RPS6KC1: variants seen among roughly 807,000 people sequenced by gnomAD.
The protein encoded by RPS6KC1 is inactive ribosomal protein S6 kinase delta-1.
A neutral mutation model predicts 103.8 loss-of-function variants in RPS6KC1; 54 were observed. The ratio of observed to expected loss-of-function variants is 0.52; its 90% confidence interval spans 0.42 to 0.65. The LOEUF (loss-of-function observed/expected upper bound fraction) is 0.65. Ranked by LOEUF, RPS6KC1 falls within the 30% of genes least tolerant of loss-of-function variation. The pLI is 0.00. For synonymous variants in RPS6KC1, 439 were observed against 438.7 expected (o/e 1.00, Z -0.01); for missense variants, 1,151 against 1,253.8 (o/e 0.92, Z 1.24).
At chr1:213,069,394 A>G (rs2078661527) in intron 1 of RPS6KC1, among the ~76,000 whole-genome samples, 1 of 152,222 alleles carries the variant, frequency 6.6e-6, no homozygotes, top group South Asian at 2.1e-4. Context: ...CTTTTAAATT[A>G]TAGAGTTCTT....
At chr1:213,250,105 A>C (rs2094520281) in intron 12 of RPS6KC1, among the ~76,000 whole-genome samples, 1 of 152,190 alleles carries the variant, frequency 6.6e-6, no homozygotes, top group Admixed American at 6.5e-5. Context: ...CAGGTAATTG[A>C]ATTACCTAAA....
At chr1:213,253,558 G>A (rs929789372) in intron 12 of RPS6KC1, among the ~76,000 whole-genome samples, 4 of 152,160 alleles carry the variant, frequency 2.6e-5, no homozygotes, top group African/African-American at 7.2e-5. Flanking sequence ...CTCAATTTTC[G>A]ATTCAATTTC....
chr1:213,370,708 T>C, the RPS6KC1 span, among the ~76,000 whole-genome samples: 108 of 152,332 alleles, frequency 7.1e-4, no homozygotes, highest in Non-Finnish European at 1.2e-3. Flanking sequence ...AATGACTGAC[T>C]TGCTCAAGGT....
intron 8 of RPS6KC1, among the ~76,000 whole-genome samples, chr1:213,178,229 A>ATAAG (rs2092019726): frequency 7.5e-6 from 1 of 132,756 alleles, no homozygotes; most frequent in South Asian, 2.4e-4. Context: ...AAATAAATAA[A>ATAAG]TATCAAGTCT....
chr1:213,808,280 G>A, the RPS6KC1 span, among the ~76,000 whole-genome samples: 1 of 152,210 alleles, frequency 6.6e-6, no homozygotes, highest in Admixed American at 6.5e-5. Flanking sequence ...CTCCAGCTAC[G>A]TGCTGGGAGA....
intron 10 of RPS6KC1, among the ~76,000 whole-genome samples, chr1:213,237,549 T>G (rs562468846): frequency 1.8e-4 from 27 of 152,216 alleles, no homozygotes; most frequent in African/African-American, 6.5e-4. Context: ...TTGAGAATTA[T>G]ATGTAGGACA....
intron 1 of RPS6KC1, among the ~76,000 whole-genome samples, chr1:213,069,519 G>A (rs2078676408): frequency 6.6e-6 from 1 of 152,184 alleles, no homozygotes; most frequent in Admixed American, 6.5e-5. Context: ...AGGTTTGTCT[G>A]ACTTTACATC....
the RPS6KC1 span, among the ~76,000 whole-genome samples, chr1:213,607,364 A>G: frequency 1.4e-3 from 212 of 152,348 alleles, 1 homozygote; most frequent in Middle Eastern, 0.031. Flanking sequence ...GGATTTGGAT[A>G]TCTTGTGTAA....
intron 2 of RPS6KC1, among the ~76,000 whole-genome samples, chr1:213,074,875 C>T (rs1356869076): frequency 4.1e-4 from 7 of 17,232 alleles, no homozygotes; most frequent in Non-Finnish European, 6.4e-4. Context: ...TTTTTTTTTA[C>T]GGAGTCTCGC....
the RPS6KC1 span, among the ~76,000 whole-genome samples, chr1:213,844,936 G>T: frequency 6.6e-6 from 1 of 152,022 alleles, no homozygotes; most frequent in Non-Finnish European, 1.5e-5. Context: ...TAAAGCCTTT[G>T]AGAACCCCCC....
the RPS6KC1 span, among the ~76,000 whole-genome samples, chr1:213,720,270 G>A: frequency 6.6e-6 from 1 of 152,196 alleles, no homozygotes; most frequent in African/African-American, 2.4e-5. Context: ...GTCTGGGAGT[G>A]TTTAAGGACT....
At chr1:213,362,163 A>G in the RPS6KC1 span, among the ~76,000 whole-genome samples, 1 of 152,202 alleles carries the variant, frequency 6.6e-6, no homozygotes, top group Admixed American at 6.5e-5. Flanking sequence ...GGGGCACAGC[A>G]GAGAAGAGGA....
At chr1:213,670,143 T>C in the RPS6KC1 span, among the ~76,000 whole-genome samples, 2 of 152,030 alleles carry the variant, frequency 1.3e-5, no homozygotes, top group Non-Finnish European at 2.9e-5. Context: ...AGGGCAGGAG[T>C]GTGCAAATCC....
intron 1 of RPS6KC1, among the ~76,000 whole-genome samples, chr1:213,067,298 TTC>T (rs2078419596): frequency 6.6e-6 from 1 of 152,192 alleles, no homozygotes; most frequent in East Asian, 1.9e-4. Context: ...ATATTCGGGG[TTC>T]ACAATATTAA....
the RPS6KC1 span, among the ~76,000 whole-genome samples, chr1:213,653,678 A>G: frequency 8.5e-5 from 13 of 152,316 alleles, no homozygotes; most frequent in African/African-American, 2.6e-4. Flanking sequence ...CCTAGATTGT[A>G]AACTCTGAAA....
chr1:213,157,755 G>A (rs1256220348), intron 6 of RPS6KC1, among the ~76,000 whole-genome samples: 1 of 152,026 alleles, frequency 6.6e-6, no homozygotes, highest in Non-Finnish European at 1.5e-5. Flanking sequence ...CTGTCTCTTT[G>A]TTCTAGCGAT....
rs746215572 is a variant in RPS6KC1 at position 213,262,700 on chromosome 1, G to A, written c.2995-21G>A. The A allele has an allele frequency of 4.9e-6, 7 of 1,433,580 alleles. No homozygotes were observed. In the Admixed American group the frequency reaches 6.7e-5, roughly 14 times the overall value. The allele number at this position is 1,433,580 out of a possible 1,614,324, so 88.8% of individuals were successfully genotyped here. ...TATGATGTTATTTGGGATAAGAAGT[G>A]TACCTGATTGATTGTTTCAGACTCT... On this transcript the variant is annotated intron_variant, in intron 13 of 14. Coordinates refer to ENST00000366960, the MANE Select transcript of RPS6KC1 (RefSeq NM_012424.6).
the RPS6KC1 span, among the ~76,000 whole-genome samples, chr1:213,749,063 C>T: frequency 6.6e-6 from 1 of 152,218 alleles, no homozygotes; most frequent in African/African-American, 2.4e-5. Context: ...TCCTCCTCTT[C>T]CTGGGATAAT....
chr1:213,324,794 T>A, the RPS6KC1 span, among the ~76,000 whole-genome samples: 3 of 151,914 alleles, frequency 2.0e-5, no homozygotes, highest in Non-Finnish European at 4.4e-5. Flanking sequence ...AGCTGTGAGA[T>A]GGCGGCACCC....
Sources: allele counts gnomAD v4.1 joint callset (sites outside exome capture counted in the v4.1 genomes callset), GRCh38; gene constraint gnomAD v4.1.1; transcripts MANE v1.5; gene names NCBI Gene and HGNC (gene_info 2026-07-23, HGNC 2026-07-21).